The following RADX variants were observed in gnomAD, a reference collection of about 807,000 sequenced individuals.
RADX encodes the protein RPA1 related single stranded DNA binding protein, X-linked.
Under a neutral mutation model 61.6 loss-of-function variants are expected in RADX, and 36 were observed. That is an observed-to-expected ratio of 0.58 (90% CI 0.45 to 0.77). The LOEUF (loss-of-function observed/expected upper bound fraction) is 0.77. Among genes scored for constraint, RADX ranks in the 30% least tolerant of loss-of-function variants. The pLI, the probability that RADX is intolerant of heterozygous loss-of-function variation, is 0.00. For synonymous variants in RADX, 272 were observed against 237.9 expected (o/e 1.14, Z -1.32); for missense variants, 497 against 651.1 (o/e 0.76, Z 2.58).
At chrX:106,642,964 TC>T (rs1354806051) in intron 10 of RADX, among the ~76,000 whole-genome samples, 2 of 111,537 alleles carry the variant, frequency 1.8e-5, no homozygotes, top group African/African-American at 6.5e-5. Context: ...TAAAATGGTA[TC>T]TATCCACGGC....
chrX:106,667,304 GGTTTGTTT>G (rs111939588), intron 12 of RADX, among the ~76,000 whole-genome samples: 11 of 110,630 alleles, frequency 9.9e-5, no homozygotes, highest in Admixed American at 6.7e-4. Context: ...GAACTCTAGT[GGTTTGTTT>G]GTTTGTTTGT....
rs969190349 is a variant in RADX at position 106,612,252 on chromosome X, C to T, written c.172C>T (p.Arg58Cys). The T allele has an allele frequency of 3.3e-6, 4 of 1,209,129 alleles. No individual in the cohort carries two copies. The highest frequency in any genetic ancestry group is 4.5e-6 in the Non-Finnish European group (4 of 895,062). Residue 58 changes from arginine to cysteine, a missense_variant, in exon 1 of 14, where the codon CGC (arginine) becomes TGC (cysteine). Transcript: ENST00000372548. Reference sequence around the variant, plus strand: ...TCTTGAGCAGATTATGGACTCACCTCGCCAGTGTGTCACCCCCTCGGAGGT... The same window carrying T: ...TCTTGAGCAGATTATGGACTCACCTTGCCAGTGTGTCACCCCCTCGGAGGT... Reference protein sequence around the residue: ...KVLEQIMDSPRQCVTPSEVVP... With the variant: ...KVLEQIMDSPCQCVTPSEVVP...
intron 12 of RADX, among the ~76,000 whole-genome samples, chrX:106,668,679 G>A (rs748487113): frequency 4.5e-5 from 5 of 111,601 alleles, no homozygotes; most frequent in South Asian, 7.6e-4. Flanking sequence ...CCCTGATGGT[G>A]AGTGTGCGAA....
chrX:106,668,713 G>A (rs772878389), intron 12 of RADX, among the ~76,000 whole-genome samples: 2 of 111,333 alleles, frequency 1.8e-5, no homozygotes, highest in East Asian at 2.8e-4. Context: ...ATTTGAGGAC[G>A]GATGAGATCT....
intron 12 of RADX, among the ~76,000 whole-genome samples, chrX:106,667,936 C>A (rs1335785038): frequency 2.7e-5 from 3 of 110,866 alleles, no homozygotes; most frequent in Admixed American, 1.9e-4. Flanking sequence ...TATAAGATAC[C>A]AGCATGTGCA....
chrX:106,663,086 G>GA (rs1212889066), intron 12 of RADX, among the ~76,000 whole-genome samples: 1 of 111,265 alleles, frequency 9.0e-6, no homozygotes, highest in African/African-American at 3.3e-5. Flanking sequence ...AAGGAATGAG[G>GA]AAAAAATTAT....
chrX:106,651,839 G>A (rs774787663), intron 11 of RADX, among the ~76,000 whole-genome samples: 1 of 110,118 alleles, frequency 9.1e-6, no homozygotes, highest in Non-Finnish European at 1.9e-5. Flanking sequence ...ATTTTTCAGG[G>A]CAGTAAAGGT....
At chrX:106,675,051 T>C (rs1293302485) in intron 13 of RADX, among the ~76,000 whole-genome samples, 1 of 109,474 alleles carries the variant, frequency 9.1e-6, no homozygotes, top group Non-Finnish European at 1.9e-5. Context: ...GAGATAGAGA[T>C]CCAGCTTCAT....
At chrX:106,648,631 A>G (rs1023167169) in intron 11 of RADX, among the ~76,000 whole-genome samples, 38 of 104,314 alleles carry the variant, frequency 3.6e-4, no homozygotes, top group African/African-American at 1.5e-3. Context: ...ATCTCTTCAA[A>G]TGTACTATTT....
chrX:106,644,707 G>A (rs1482183850), intron 10 of RADX, among the ~76,000 whole-genome samples: 1 of 111,221 alleles, frequency 9.0e-6, no homozygotes, highest in Non-Finnish European at 1.9e-5. Flanking sequence ...AAATTCTTCA[G>A]AGATATTGAC....
At chrX:106,664,796 T>C (rs1928187541) in intron 12 of RADX, among the ~76,000 whole-genome samples, 1 of 109,940 alleles carries the variant, frequency 9.1e-6, no homozygotes, top group African/African-American at 3.3e-5. Context: ...AAGCAGCCCA[T>C]TCAGTCTACT....
At chrX:106,633,319 T>A in intron 6 of RADX, 67 bp downstream of exon 6, 1 of 949,197 alleles carries the variant, frequency 1.1e-6, no homozygotes, top group Non-Finnish European at 1.5e-6. Context: ...AAATGTAGAG[T>A]AAACTGACTT....
In RADX at chrX:106,637,765, A is replaced by G; in HGVS notation, c.1414A>G (p.Arg472Gly). ...TTTACCCTTCCCGCGAGGAGGTCATAGAGGCCAGCCGTATACGTATGATGC... is the reference window on the plus strand; with the variant it reads ...TTTACCCTTCCCGCGAGGAGGTCATGGAGGCCAGCCGTATACGTATGATGC... ...NESGVFITGHRGQPYTYDAKV... is the reference protein window; with the variant it reads ...NESGVFITGHGGQPYTYDAKV... Residue 472 changes from arginine (R) to glycine (G), a missense_variant, in exon 8 of 14, where the codon AGA (arginine) becomes GGA (glycine). By Grantham distance (125) the Arg-to-Gly change is moderately radical (BLOSUM62 -2). Transcript: ENST00000372548. The G allele has an allele frequency of 8.5e-7, 1 of 1,175,168 alleles. No individual in the cohort carries two copies. The highest frequency in any genetic ancestry group is 1.1e-6 in the Non-Finnish European group (1 of 876,554).
chrX:106,677,053 A>G (rs188804961), intron 13 of RADX, among the ~76,000 whole-genome samples: 1 of 112,286 alleles, frequency 8.9e-6, no homozygotes, highest in Non-Finnish European at 1.9e-5. Context: ...TTGTCTTTAA[A>G]TGCGTTCAGC....
At chrX:106,614,649 T>C (rs745689378) in intron 1 of RADX, among the ~76,000 whole-genome samples, 15 of 111,957 alleles carry the variant, frequency 1.3e-4, no homozygotes, top group Admixed American at 3.8e-4. Flanking sequence ...AGAATGCCCA[T>C]TTCCCCATAT....
chrX:106,615,175 T>C (rs1926772055), intron 1 of RADX, among the ~76,000 whole-genome samples: 1 of 112,441 alleles, frequency 8.9e-6, no homozygotes, highest in Admixed American at 9.4e-5. Context: ...TGGCGAACTT[T>C]CAGTAAAGAG....
Position 106,625,265 on chromosome X carries a change from A to G in RADX, c.962A>G (p.Lys321Arg). Reference protein sequence around the residue: ...IQPVPVDPQIKLISTMEICLN... With the variant: ...IQPVPVDPQIRLISTMEICLN... ...CCTGTCCCCGTGGATCCACAGATCAAACTAATTTCTACAATGGGTTAAGTA... is the reference window on the plus strand; with the variant it reads ...CCTGTCCCCGTGGATCCACAGATCAGACTAATTTCTACAATGGGTTAAGTA... Residue 321 changes from lysine to arginine, a missense_variant, in exon 3 of 14, where the codon AAA (lysine) becomes AGA (arginine). By Grantham distance (26) the Lys-to-Arg change is conservative (BLOSUM62 2). Coordinates refer to ENST00000372548, the MANE Select transcript of RADX (RefSeq NM_018015.6). The G allele has an allele frequency of 8.5e-7, 1 of 1,170,872 alleles. No homozygotes were observed. Among genetic ancestry groups the G allele is most frequent in the Non-Finnish European group, 1.1e-6 (1 of 872,446 alleles).
chrX:106,655,562 A>G (rs1047031364), intron 11 of RADX, among the ~76,000 whole-genome samples: 1 of 108,924 alleles, frequency 9.2e-6, no homozygotes, highest in African/African-American at 3.4e-5. Flanking sequence ...TCATTGTTCA[A>G]TTCCCACCTA....
At position 106,658,885 on chromosome X, in the gene RADX, G is replaced by A. The variant is rs746020668; in HGVS notation, c.1979-3130G>A. 9.0e-5 allele frequency among the ~76,000 whole-genome samples: 10 copies of A among 110,925 alleles called. No homozygotes were observed. In the East Asian group the frequency reaches 1.4e-3, roughly 16 times the overall value. On this transcript the variant is annotated intron_variant, in intron 11 of 13. Transcript: ENST00000372548. The stretch of plus-strand genomic sequence containing the variant: ...ACTTTCACTAGTCTTTAAAAAGTCC[G>A]TTATATACTTGCTAGCAAGAAGGAG...
Sources: allele counts gnomAD v4.1 joint callset (sites outside exome capture counted in the v4.1 genomes callset), GRCh38; gene constraint gnomAD v4.1.1; transcripts MANE v1.5; gene names NCBI Gene and HGNC (gene_info 2026-07-23, HGNC 2026-07-21).